PXT1: variants seen among roughly 807,000 people sequenced by gnomAD.
The protein encoded by PXT1 is peroxisomal testis-specific protein 1.
Under a neutral mutation model 11.0 loss-of-function variants are expected in PXT1, and 11 were observed. The observed-to-expected ratio is 1.00, with a 90% CI of 0.63 to 1.66. The LOEUF (loss-of-function observed/expected upper bound fraction) is 1.66, where lower values mean the gene tolerates loss of function less well. PXT1 is among the 40% of genes most tolerant of loss of function. PXT1 has a pLI of 0.00. For missense variants in PXT1, 141 were observed against 155.5 expected (o/e 0.91, Z 0.49); for synonymous variants, 43 against 51.4 (o/e 0.84, Z 0.70).
chr6:36,408,055 G>A (rs2127412449), intron 3 of PXT1, among the ~76,000 whole-genome samples: 1 of 149,710 alleles, frequency 6.7e-6, no homozygotes, highest in Non-Finnish European at 1.5e-5. Flanking sequence ...TCCACCTCCC[G>A]AGTTCAAGTG....
At chr6:36,431,693 G>T (rs567664321) in intron 2 of PXT1, among the ~76,000 whole-genome samples, 2 of 152,312 alleles carry the variant, frequency 1.3e-5, no homozygotes, top group South Asian at 4.1e-4. Context: ...CTTGAGTCTG[G>T]GAGGCAGAGG....
chr6:36,410,704 T>C (rs186777132), intron 3 of PXT1, among the ~76,000 whole-genome samples: 7 of 152,330 alleles, frequency 4.6e-5, no homozygotes, highest in Non-Finnish European at 1.5e-5. Context: ...AGAAGCTTCT[T>C]GATGGACGTT....
chr6:36,412,891 T>C (rs1299618907), intron 3 of PXT1, among the ~76,000 whole-genome samples: 2 of 148,912 alleles, frequency 1.3e-5, no homozygotes, highest in African/African-American at 2.5e-5. Context: ...ATACAATTGA[T>C]AGCCTGAAAA....
chr6:36,404,888 G>A (rs9380567), intron 3 of PXT1, among the ~76,000 whole-genome samples: 1 of 151,914 alleles, frequency 6.6e-6, no homozygotes, highest in South Asian at 2.1e-4. Context: ...AACTGGGAGG[G>A]AGAGGTTGCA....
chr6:36,399,884 C>A (rs1330008253), intron 4 of PXT1, among the ~76,000 whole-genome samples: 1 of 152,146 alleles, frequency 6.6e-6, no homozygotes, highest in African/African-American at 2.4e-5. Context: ...TCCTACCCTT[C>A]GGGCTGATTC....
rs183252025 is a variant in PXT1 at position 36,416,931 on chromosome 6, A to G, written c.169+8983T>C. On this transcript the variant is annotated intron_variant, in intron 3 of 4. Transcript: ENST00000454782. ...CCAGAAGACTGGGTGAGAAGAAGAC[A>G]TGGAAGTTAGTATCTTCATCCTACA... Among the ~76,000 whole-genome samples, 5 of 152,372 alleles carry G rather than the reference A, an allele frequency of 3.3e-5. No homozygotes were observed. In the East Asian group the frequency reaches 9.6e-4, roughly 29 times the overall value.
chr6:36,438,455 G>T (rs1398145577), intron 2 of PXT1, among the ~76,000 whole-genome samples: 1 of 152,030 alleles, frequency 6.6e-6, no homozygotes, highest in African/African-American at 2.4e-5. Flanking sequence ...ACTGAGTCTC[G>T]CTCTGTCGCC....
chr6:36,419,134 A>C (rs1774490272), intron 3 of PXT1, among the ~76,000 whole-genome samples: 1 of 152,218 alleles, frequency 6.6e-6, no homozygotes, highest in Non-Finnish European at 1.5e-5. Context: ...ACCTGAAAAA[A>C]AGTGAGGACA....
At chr6:36,412,138 G>T (rs1774383798) in intron 3 of PXT1, among the ~76,000 whole-genome samples, 1 of 151,814 alleles carries the variant, frequency 6.6e-6, no homozygotes. Flanking sequence ...GATCACCTGA[G>T]GTCAGGAGTT....
chr6:36,431,928 G>A (rs543014579), intron 2 of PXT1, among the ~76,000 whole-genome samples: 37 of 152,086 alleles, frequency 2.4e-4, no homozygotes, highest in African/African-American at 8.2e-4. Context: ...AAAATTAGCC[G>A]GGCATGGTGG....
chr6:36,406,936 G>T lies in PXT1; in HGVS notation c.170-6352C>A, dbSNP rs193212979. Reference sequence around the variant, plus strand: ...CCAGAAACCACATCTTTCTGGAGGTGACTGAAGTAGATTTCTCTTCCCTGC... The same window carrying T: ...CCAGAAACCACATCTTTCTGGAGGTTACTGAAGTAGATTTCTCTTCCCTGC... On this transcript the variant is annotated intron_variant, in intron 3 of 4. Transcript: ENST00000454782. Among the ~76,000 whole-genome samples, 234 of 152,244 alleles carry T rather than the reference G, an allele frequency of 1.5e-3. 1 individual carries two copies. The highest frequency in any genetic ancestry group is 3.4e-3 in the Middle Eastern group (1 of 292).
At chr6:36,440,755 C>T (rs1461666448) in intron 1 of PXT1, among the ~76,000 whole-genome samples, 1 of 151,958 alleles carries the variant, frequency 6.6e-6, no homozygotes, top group Non-Finnish European at 1.5e-5. Flanking sequence ...AAAAAGGTAC[C>T]CAGTCTGATA....
chr6:36,406,555 G>C (rs923143626), intron 3 of PXT1, among the ~76,000 whole-genome samples: 2 of 152,158 alleles, frequency 1.3e-5, no homozygotes, highest in African/African-American at 4.8e-5. Context: ...GCTCACACCT[G>C]TAATCCCAGC....
intron 3 of PXT1, among the ~76,000 whole-genome samples, chr6:36,423,313 G>A (rs1349524316): frequency 6.6e-6 from 1 of 152,252 alleles, no homozygotes; most frequent in Non-Finnish European, 1.5e-5. Flanking sequence ...GCGCCGCCAG[G>A]TCCTCGGAAC....
chr6:36,434,215 C>A (rs1364613114), intron 2 of PXT1, among the ~76,000 whole-genome samples: 1 of 150,370 alleles, frequency 6.7e-6, no homozygotes, highest in Non-Finnish European at 1.5e-5. Context: ...TGCAAAAAAA[C>A]ATCCCAGAAC....
rs552781779 is a variant in PXT1 at position 36,400,580 on chromosome 6, A to G, written c.174T>C (p.His58=). 6 of 1,612,680 alleles carry G rather than the reference A, an allele frequency of 3.7e-6. No homozygotes were observed. In the South Asian group the frequency reaches 5.5e-5, roughly 15 times the overall value. The change falls in exon 4 of 5, where the codon CAT becomes CAC. Residue 58 remains histidine (H), a synonymous_variant. Coordinates refer to ENST00000454782, the MANE Select transcript of PXT1 (RefSeq NM_152990.4). Reference sequence around the variant, plus strand: ...GCTCCTTGGGCTGAGAAAGTAGATTATGATCTGCATTGAGAAAAAAGAGTT... The same window carrying G: ...GCTCCTTGGGCTGAGAAAGTAGATTGTGATCTGCATTGAGAAAAAAGAGTT... ...PVPAMSRNPD[H]NLLSQPKEHS...
intron 3 of PXT1, among the ~76,000 whole-genome samples, chr6:36,408,261 CTT>C (rs752205780): frequency 4.8e-4 from 66 of 137,046 alleles, no homozygotes; most frequent in Admixed American, 7.4e-4. Context: ...CACGCCCAGC[CTT>C]TTTTTTTTTT....
At chr6:36,397,245 A>T (rs1393734722) in intron 4 of PXT1, among the ~76,000 whole-genome samples, 7 of 152,178 alleles carry the variant, frequency 4.6e-5, no homozygotes. Context: ...AAGATCCCAT[A>T]ACACCAAGAC....
chr6:36,433,630 T>C (rs1178960070), intron 2 of PXT1, among the ~76,000 whole-genome samples: 2 of 150,914 alleles, frequency 1.3e-5, no homozygotes, highest in African/African-American at 2.4e-5. Context: ...CCATCCTGGC[T>C]AACATGATGA....
Sources: gnomAD v4.1 joint callset for allele counts (sites outside exome capture counted in the v4.1 genomes callset) on GRCh38, gnomAD v4.1.1 for gene constraint, MANE v1.5 for transcripts, NCBI Gene and HGNC (gene_info 2026-07-23, HGNC 2026-07-21) for gene names.